The following HDAC9 variants were observed in gnomAD, a reference collection of about 807,000 sequenced individuals.
HDAC9 encodes histone deacetylase 9, also known as MEF-2 interacting transcription repressor (MITR) protein.
HDAC9 carries 41 observed loss-of-function variants against 139.4 expected under a neutral mutation model. That is an observed-to-expected ratio of 0.29 (90% CI 0.23 to 0.38). The LOEUF is 0.38. Ranked by LOEUF, HDAC9 falls within the 10% of genes least tolerant of loss-of-function variation. HDAC9 has a pLI of 1.00. For synonymous variants in HDAC9, 517 were observed against 476.2 expected (o/e 1.09, Z -1.12); for missense variants, 1,147 against 1,297.0 (o/e 0.88, Z 1.78).
chr7:18,476,596 A>C lies in HDAC9; in HGVS notation c.-41-19666A>C, dbSNP rs571903620. Among the ~76,000 whole-genome samples, 16 of 152,240 alleles carry C rather than the reference A, an allele frequency of 1.1e-4. 1 individual carries two copies. In the South Asian group the frequency reaches 3.1e-3, roughly 30 times the overall value. On this transcript the variant is annotated intron_variant, in intron 1 of 3. Transcript: ENST00000413509. ...TTCTGGACTTTCTCTTTAAACTTTA[A>C]GGCCTGAAGCATTAGTATTTCAGAC... is the stretch of plus-strand genomic sequence containing the variant.
intron 12 of HDAC9, among the ~76,000 whole-genome samples, chr7:18,718,477 C>T (rs796597674): frequency 2.6e-5 from 4 of 152,246 alleles, no homozygotes; most frequent in African/African-American, 7.2e-5. Context: ...AGGCAATCCA[C>T]CCGCCTCGGC....
chr7:18,734,531 C>A (rs963281996), intron 13 of HDAC9, among the ~76,000 whole-genome samples: 2 of 152,140 alleles, frequency 1.3e-5, no homozygotes, highest in South Asian at 4.1e-4. Context: ...TTTCCAGCTT[C>A]CAGCTTCATC....
intron 1 of HDAC9, among the ~76,000 whole-genome samples, chr7:18,126,098 C>A (rs1044050759): frequency 3.9e-5 from 6 of 152,082 alleles, no homozygotes; most frequent in African/African-American, 1.4e-4. Flanking sequence ...TAAACACTTA[C>A]AAAGGGGATA....
intron 2 of HDAC9, among the ~76,000 whole-genome samples, chr7:18,211,037 A>G (rs956794834): frequency 6.6e-6 from 1 of 152,212 alleles, no homozygotes; most frequent in African/African-American, 2.4e-5. Flanking sequence ...GTTACCAGTC[A>G]AGATGTATAA....
chr7:18,863,453 T>A (rs575567235), intron 21 of HDAC9, among the ~76,000 whole-genome samples: 1 of 152,206 alleles, frequency 6.6e-6, no homozygotes, highest in East Asian at 1.9e-4. Flanking sequence ...TTGGATTTTA[T>A]TTTTTAGTTC....
intron 16 of HDAC9, among the ~76,000 whole-genome samples, chr7:18,782,121 C>T (rs1168245552): frequency 6.6e-6 from 1 of 151,926 alleles, no homozygotes; most frequent in South Asian, 2.1e-4. Flanking sequence ...GCCCTGTGGC[C>T]CTAGCGTCAG....
chr7:18,555,415 A>G (rs1222480537), intron 2 of HDAC9, among the ~76,000 whole-genome samples: 1 of 152,200 alleles, frequency 6.6e-6, no homozygotes, highest in Non-Finnish European at 1.5e-5. Context: ...TCCAATTCTA[A>G]TGGATAATTT....
intron 1 of HDAC9, among the ~76,000 whole-genome samples, chr7:18,328,012 G>C (rs1348426477): frequency 1.3e-5 from 2 of 152,110 alleles, no homozygotes; most frequent in African/African-American, 4.8e-5. Context: ...GAATATTTAA[G>C]CAGTAATTAT....
At chr7:18,412,778 T>C (rs762144182) in intron 1 of HDAC9, among the ~76,000 whole-genome samples, 2 of 152,150 alleles carry the variant, frequency 1.3e-5, no homozygotes, top group Non-Finnish European at 2.9e-5. Context: ...AGGTAAAAAT[T>C]ATGTAAAAAT....
intron 12 of HDAC9, among the ~76,000 whole-genome samples, chr7:18,673,635 C>T (rs993729103): frequency 1.3e-5 from 2 of 151,930 alleles, no homozygotes; most frequent in Admixed American, 6.6e-5. Flanking sequence ...GCATTTGTGA[C>T]TCACATATTT....
intron 16 of HDAC9, among the ~76,000 whole-genome samples, chr7:18,790,270 A>G (rs1792183201): frequency 6.6e-6 from 1 of 152,034 alleles, no homozygotes; most frequent in African/African-American, 2.4e-5. Flanking sequence ...TTATGTACTG[A>G]AGCTCAAATC....
intron 6 of HDAC9, among the ~76,000 whole-genome samples, chr7:18,622,278 G>A (rs1302413688): frequency 1.3e-5 from 2 of 152,100 alleles, no homozygotes; most frequent in African/African-American, 4.8e-5. Context: ...ACTACAGGTG[G>A]AATCATTGTA....
chr7:18,654,081 GAGA>G (rs1209488757), intron 11 of HDAC9, among the ~76,000 whole-genome samples: 4 of 152,090 alleles, frequency 2.6e-5, no homozygotes, highest in African/African-American at 9.7e-5. Context: ...TATAAGTTTT[GAGA>G]AGGAGATTAA....
At chr7:18,707,854 A>AGTGTGTGT (rs61496259) in intron 12 of HDAC9, among the ~76,000 whole-genome samples, 22,526 of 149,498 alleles carry the variant, frequency 0.15, 1,994 homozygotes, top group African/African-American at 0.26. Flanking sequence ...AGGGGAAAGG[A>AGTGTGTGT]GTGTGTGTGT....
At chr7:18,222,110 G>A (rs1269339798) in intron 2 of HDAC9, among the ~76,000 whole-genome samples, 1 of 152,024 alleles carries the variant, frequency 6.6e-6, no homozygotes, top group Admixed American at 6.6e-5. Flanking sequence ...AAAGGTGCGA[G>A]GTTTAGATAG....
At chr7:18,864,485 T>A (rs771881336) in intron 21 of HDAC9, among the ~76,000 whole-genome samples, 2 of 152,046 alleles carry the variant, frequency 1.3e-5, no homozygotes, top group African/African-American at 4.8e-5. Context: ...ATATAAAGTT[T>A]CAGTTATGTA....
chr7:18,823,946 G>C lies in HDAC9; in HGVS notation c.2323-5215G>C, dbSNP rs148771338. ...TGAGCTGAGATGATGCCACTGCACT[G>C]CAGCCTGGGTGACAGGGCAAGACCC... On this transcript the variant is annotated intron_variant, in intron 17 of 25. Transcript: ENST00000686413. 7.9e-3 allele frequency among the ~76,000 whole-genome samples: 1,195 copies of C among 151,352 alleles called. 16 individuals are homozygous for C. Among genetic ancestry groups the C allele is most frequent in the African/African-American group, 0.026 (1,085 of 41,186 alleles).
intron 2 of HDAC9, among the ~76,000 whole-genome samples, chr7:18,183,508 A>G (rs777080044): frequency 3.3e-5 from 5 of 152,018 alleles, no homozygotes; most frequent in Non-Finnish European, 7.4e-5. Context: ...ATCCTTGGGG[A>G]TCTTCCTTGG....
At chr7:18,921,031 T>C (rs1014320769) in intron 22 of HDAC9, among the ~76,000 whole-genome samples, 1 of 152,164 alleles carries the variant, frequency 6.6e-6, no homozygotes, top group Non-Finnish European at 1.5e-5. Flanking sequence ...GCTAGCCATA[T>C]GTAGAAAGCT....
Sources: allele counts gnomAD v4.1 joint callset (sites outside exome capture counted in the v4.1 genomes callset), GRCh38; gene constraint gnomAD v4.1.1; transcripts MANE v1.5; gene names NCBI Gene and HGNC (gene_info 2026-07-23, HGNC 2026-07-21).